GRIN2A: variants seen among roughly 807,000 people sequenced by gnomAD.
GRIN2A encodes glutamate receptor ionotropic, NMDA 2A.
A neutral mutation model predicts 113.4 loss-of-function variants in GRIN2A; 22 were observed. The observed-to-expected ratio is 0.19, with a 90% CI of 0.14 to 0.28. GRIN2A has a LOEUF of 0.28. Among genes scored for constraint, GRIN2A ranks in the 10% least tolerant of loss-of-function variants. The pLI is 1.00. For synonymous variants in GRIN2A, 827 were observed against 738.4 expected (o/e 1.12, Z -1.94); for missense variants, 1,502 against 1,887.0 (o/e 0.80, Z 3.78).
chr16:10,074,981 C>T (rs1200265587), intron 2 of GRIN2A, among the ~76,000 whole-genome samples: 1 of 152,140 alleles, frequency 6.6e-6, no homozygotes. Context: ...AAATTTCTGG[C>T]TCAATCCTTC....
chr16:9,952,628 C>T (rs980502918), intron 2 of GRIN2A, among the ~76,000 whole-genome samples: 4 of 152,018 alleles, frequency 2.6e-5, no homozygotes, highest in Non-Finnish European at 4.4e-5. Flanking sequence ...ACTTACAATG[C>T]TTATTATTAA....
intron 2 of GRIN2A, among the ~76,000 whole-genome samples, chr16:10,126,160 T>C (rs2142199761): frequency 1.2e-5 from 1 of 83,348 alleles, no homozygotes; most frequent in East Asian, 3.2e-4. Context: ...GATTTCTTTA[T>C]ATATATATAT....
intron 2 of GRIN2A, among the ~76,000 whole-genome samples, chr16:10,123,374 C>G (rs1349426001): frequency 1.3e-5 from 2 of 152,114 alleles, no homozygotes; most frequent in Non-Finnish European, 2.9e-5. Flanking sequence ...GCAAGCTCAA[C>G]TTGCTTTTAT....
chr16:10,152,024 T>C (rs1239020812), intron 2 of GRIN2A, among the ~76,000 whole-genome samples: 2 of 152,174 alleles, frequency 1.3e-5, no homozygotes, highest in African/African-American at 2.4e-5. Context: ...TTGTCCTTCG[T>C]CCTGAGAAGG....
intron 2 of GRIN2A, chr16:10,111,346 G>A (rs981549191): frequency 4.9e-6 from 2 of 408,652 alleles, no homozygotes; most frequent in Non-Finnish European, 9.2e-6. Flanking sequence ...AGGCGGCCGC[G>A]CGGGTGTTTG....
rs556138851 is a variant in GRIN2A at position 9,972,414 on chromosome 16, G to GA, written c.415-33864dup. ...ACTTACTTTACATATAAGAAATAGG[G>GA]AAATCTGACCCATTCTCAAGGAAAG... On this transcript the variant is annotated intron_variant, in intron 2 of 12. Coordinates refer to ENST00000330684, the MANE Select transcript of GRIN2A (RefSeq NM_001134407.3). Among the ~76,000 whole-genome samples the GA allele has an allele frequency of 1.6e-4, 24 of 152,148 alleles. No homozygotes were observed. The South Asian group carries it at 5.0e-3, about 32-fold the overall frequency.
At chr16:10,085,873 T>A (rs1449027008) in intron 2 of GRIN2A, among the ~76,000 whole-genome samples, 2 of 152,150 alleles carry the variant, frequency 1.3e-5, no homozygotes, top group Non-Finnish European at 2.9e-5. Flanking sequence ...TTATTTTTAT[T>A]TCTAGGATTC....
intron 2 of GRIN2A, among the ~76,000 whole-genome samples, chr16:9,938,971 G>C (rs1253006023): frequency 6.6e-6 from 1 of 152,098 alleles, no homozygotes. Flanking sequence ...GGAGCCCCTA[G>C]AGTCTGCCAA....
intron 2 of GRIN2A, among the ~76,000 whole-genome samples, chr16:10,056,026 C>A (rs1415927150): frequency 6.6e-6 from 1 of 151,568 alleles, no homozygotes; most frequent in Non-Finnish European, 1.5e-5. Flanking sequence ...CACATACACT[C>A]CCTCACCCAC....
intron 12 of GRIN2A, among the ~76,000 whole-genome samples, chr16:9,767,533 T>G (rs1421414815): frequency 1.3e-5 from 2 of 151,834 alleles, no homozygotes; most frequent in Admixed American, 6.6e-5. Flanking sequence ...TTTTCACCAT[T>G]TTTCAAATCC....
intron 3 of GRIN2A, among the ~76,000 whole-genome samples, chr16:9,899,350 G>A (rs531444189): frequency 1.5e-5 from 2 of 137,086 alleles, no homozygotes; most frequent in Middle Eastern, 4.5e-3. Flanking sequence ...TGAGACAGGA[G>A]AACCACTTGA....
rs753343405 is a variant in GRIN2A at position 9,842,972 on chromosome 16, GAAGA to G, written c.1329-1872_1329-1869del. Among the ~76,000 whole-genome samples, 157 of 91,834 alleles carry G rather than the reference GAAGA, an allele frequency of 1.7e-3. 1 individual carries two copies. Among genetic ancestry groups the G allele is most frequent in the South Asian group, 7.2e-3 (24 of 3,326 alleles). The allele number at this position is 91,834 out of a possible 152,430, so 60.2% of individuals were successfully genotyped here. On this transcript the variant is annotated intron_variant, in intron 5 of 12. Transcript: ENST00000330684. ...AAGAAAGAGAGAGAGAGAGAGAGAGGAAGAAAGAAAGAAAGAAAGAAAGAGAGAA... is the reference window on the plus strand; with the variant it reads ...AAGAAAGAGAGAGAGAGAGAGAGAGGAAGAAAGAAAGAAAGAAAGAGAGAA...
chr16:9,997,271 A>C (rs2046241593), intron 2 of GRIN2A, among the ~76,000 whole-genome samples: 1 of 152,184 alleles, frequency 6.6e-6, no homozygotes, highest in African/African-American at 2.4e-5. Flanking sequence ...GGCTGAGTCT[A>C]AAAGCTCTCA....
chr16:9,998,289 G>C (rs149739606), intron 2 of GRIN2A, among the ~76,000 whole-genome samples: 5 of 152,258 alleles, frequency 3.3e-5, no homozygotes, highest in East Asian at 1.9e-4. Context: ...TAAACGACAG[G>C]AGCCAGGCAT....
At chr16:9,915,769 T>C (rs889442909) in intron 3 of GRIN2A, among the ~76,000 whole-genome samples, 8 of 152,232 alleles carry the variant, frequency 5.3e-5, no homozygotes, top group African/African-American at 1.9e-4. Flanking sequence ...TTATATAAAC[T>C]AGTTGTTATT....
intron 8 of GRIN2A, among the ~76,000 whole-genome samples, 199 bp from the exon 9 acceptor site, chr16:9,829,851 C>A (rs534666431): frequency 3.3e-5 from 5 of 152,206 alleles, no homozygotes; most frequent in African/African-American, 1.2e-4. Flanking sequence ...ACATTTCTAT[C>A]TAACTGGATT....
chr16:10,014,827 A>G (rs778765261), intron 2 of GRIN2A, among the ~76,000 whole-genome samples: 24 of 152,230 alleles, frequency 1.6e-4, no homozygotes, highest in Admixed American at 1.3e-4. Flanking sequence ...AGCAATATGG[A>G]CTTTATCAAC....
At chr16:9,956,504 C>G (rs928287434) in intron 2 of GRIN2A, among the ~76,000 whole-genome samples, 5 of 152,184 alleles carry the variant, frequency 3.3e-5, no homozygotes, top group African/African-American at 1.2e-4. Flanking sequence ...TCAATTATCA[C>G]TTAACTGTGT....
At chr16:10,000,942 G>A (rs535223372) in intron 2 of GRIN2A, among the ~76,000 whole-genome samples, 1 of 152,178 alleles carries the variant, frequency 6.6e-6, no homozygotes, top group East Asian at 1.9e-4. Context: ...AGTTTGTCCT[G>A]CTTACCATGG....
Sources: gnomAD v4.1 joint callset for allele counts (sites outside exome capture counted in the v4.1 genomes callset) on GRCh38, gnomAD v4.1.1 for gene constraint, MANE v1.5 for transcripts, NCBI Gene and HGNC (gene_info 2026-07-23, HGNC 2026-07-21) for gene names.